The following FBLN5 variants were observed in gnomAD, a reference collection of about 807,000 sequenced individuals.
FBLN5 encodes the protein fibulin-5.
Under a neutral mutation model 61.6 loss-of-function variants are expected in FBLN5, and 24 were observed. The observed-to-expected ratio is 0.39, with a 90% CI of 0.28 to 0.55. The LOEUF is 0.55. FBLN5 is among the 20% of genes least tolerant of loss of function. FBLN5 has a pLI of 0.65. For missense variants in FBLN5, 470 were observed against 594.1 expected, an observed-to-expected ratio of 0.79 and a Z score of 2.17; for synonymous variants, 213 against 219.8, an observed-to-expected ratio of 0.97 and a Z score of 0.27.
At chr14:91,940,073 C>A in intron 3 of FBLN5, 1 of 411,094 alleles carries the variant, frequency 2.4e-6, no homozygotes, top group Admixed American at 3.1e-5. Context: ...AGGAATTGCC[C>A]TCCACTGACA....
At position 91,937,102 on chromosome 14, in the gene FBLN5, A is replaced by C; in HGVS notation, c.224T>G (p.Val75Gly). 2 of 1,614,074 alleles carry C rather than the reference A, an allele frequency of 1.2e-6. No individual in the cohort carries two copies. Among genetic ancestry groups the C allele is most frequent in the African/African-American group, 1.3e-5 (1 of 74,986 alleles). Residue 75 changes from valine (V) to glycine (G), a missense_variant, in exon 4 of 11, where the codon GTG (valine) becomes GGG (glycine). Coordinates refer to ENST00000342058, the MANE Select transcript of FBLN5 (RefSeq NM_006329.4). ...GGGGTTCGAGTAGGGCCCTCGATAC[A>C]CAGGGTTTGTCCGGGGAATGCATAA... ...GYLCIPRTNP[V>G]YRGPYSNPYS...
chr14:91,883,904 T>C (rs1264139133), intron 7 of FBLN5, among the ~76,000 whole-genome samples: 2 of 152,284 alleles, frequency 1.3e-5, no homozygotes, highest in African/African-American at 4.8e-5. Context: ...GAAGCAGACG[T>C]TCCAGAAAAG....
chr14:91,921,044 C>T (rs1039035869), intron 4 of FBLN5, among the ~76,000 whole-genome samples: 1 of 152,278 alleles, frequency 6.6e-6, no homozygotes, highest in African/African-American at 2.4e-5. Context: ...TCTATGCAAG[C>T]CAGTCACGAC....
intron 8 of FBLN5, 103 bp from the exon 9 acceptor site, chr14:91,881,521 A>T (rs922159399): frequency 6.4e-5 from 83 of 1,300,446 alleles, no homozygotes; most frequent in Non-Finnish European, 8.0e-5. Context: ...TGTACTATCC[A>T]ATATGGCAGC....
At chr14:91,925,886 C>A (rs1387008996) in intron 4 of FBLN5, among the ~76,000 whole-genome samples, 2 of 152,220 alleles carry the variant, frequency 1.3e-5, no homozygotes, top group Middle Eastern at 3.2e-3. Flanking sequence ...CAAGGAGACT[C>A]TTGGTCACCT....
At chr14:91,935,794 T>A (rs2056004464) in intron 4 of FBLN5, among the ~76,000 whole-genome samples, 1 of 152,234 alleles carries the variant, frequency 6.6e-6, no homozygotes, top group African/African-American at 2.4e-5. Flanking sequence ...AAAGTTGGCT[T>A]GACCGGACCC....
At chr14:91,911,637 C>G (rs1890944070) in intron 4 of FBLN5, among the ~76,000 whole-genome samples, 1 of 152,254 alleles carries the variant, frequency 6.6e-6, no homozygotes, top group Non-Finnish European at 1.5e-5. Context: ...TCTTTCTCAG[C>G]TCGTTTGAGA....
intron 7 of FBLN5, among the ~76,000 whole-genome samples, chr14:91,886,299 A>C (rs1277011117): frequency 6.6e-6 from 1 of 152,238 alleles, no homozygotes; most frequent in Non-Finnish European, 1.5e-5. Flanking sequence ...TTTACAAAAA[A>C]CAAGGCAAGA....
At chr14:91,932,351 G>A (rs1051765058) in intron 4 of FBLN5, among the ~76,000 whole-genome samples, 2 of 152,178 alleles carry the variant, frequency 1.3e-5, no homozygotes, top group Non-Finnish European at 2.9e-5. Flanking sequence ...AAAGGACAGG[G>A]TCTAGTCACC....
chr14:91,869,540 G>C lies in FBLN5; in HGVS notation c.*684C>G, dbSNP rs1235716093. ...CTAAAATGGAGAGGAGACTGGGTTTGGGAAGACAGAACATAGCATGTGTCT... is the reference window on the plus strand; with the variant it reads ...CTAAAATGGAGAGGAGACTGGGTTTCGGAAGACAGAACATAGCATGTGTCT... On this transcript the variant is annotated 3_prime_UTR_variant, in exon 11 of 11. Coordinates refer to ENST00000342058, the MANE Select transcript of FBLN5 (RefSeq NM_006329.4). The C allele has an allele frequency of 6.5e-6, 1 of 152,704 alleles. No homozygotes were observed. The highest frequency in any genetic ancestry group is 2.4e-5 in the African/African-American group (1 of 41,404). 9.5% of individuals were successfully genotyped at this position (152,704 alleles called of 1,614,324 possible). A position where few individuals can be genotyped will look rare whatever the true frequency, so the allele number is the denominator to read the frequency against.
intron 9 of FBLN5, 137 bp downstream of exon 9, chr14:91,881,153 ACG>A (rs1889438910): frequency 1.3e-6 from 1 of 783,950 alleles, no homozygotes; most frequent in Non-Finnish European, 2.2e-6. Flanking sequence ...ACACACACAC[ACG>A]CATGAGCACA....
chr14:91,906,835 C>T (rs1451587222), intron 4 of FBLN5, among the ~76,000 whole-genome samples: 1 of 152,184 alleles, frequency 6.6e-6, no homozygotes, highest in Admixed American at 6.5e-5. Context: ...GCTCAGGAGT[C>T]ATTTATGCTA....
At chr14:91,894,833 C>CCCCCCT in intron 5 of FBLN5, 117 bp downstream of exon 5, 8 of 552,272 alleles carry the variant, frequency 1.4e-5, no homozygotes, top group South Asian at 3.1e-5. Flanking sequence ...CCCTCCCGCC[C>CCCCCCT]TCCCTAGCAA....
At chr14:91,883,603 T>C (rs1889578632) in intron 7 of FBLN5, among the ~76,000 whole-genome samples, 1 of 128,328 alleles carries the variant, frequency 7.8e-6, no homozygotes. Flanking sequence ...AAGGGACATA[T>C]CCAAAAGGCC....
chr14:91,943,321 C>T lies in FBLN5; in HGVS notation c.18-360G>A, dbSNP rs922378527. 2.6e-5 allele frequency among the ~76,000 whole-genome samples: 4 copies of T among 151,954 alleles called. No homozygotes were observed. The highest frequency in any genetic ancestry group is 5.9e-5 in the Non-Finnish European group (4 of 67,990). The stretch of plus-strand genomic sequence containing the variant: ...CCCAGGAGTTTGAGACAAGCCTGGG[C>T]AACATGGTGAAACCCCATTTCTACA... On this transcript the variant is annotated intron_variant, in intron 1 of 10. Coordinates refer to ENST00000342058, the MANE Select transcript of FBLN5 (RefSeq NM_006329.4). This position sits in a 1 kb window ranked among gnomAD's most constrained non-coding sequence, Gnocchi z 4.0.
chr14:91,870,711 T>C (rs1888883073), intron 10 of FBLN5, among the ~76,000 whole-genome samples: 1 of 152,262 alleles, frequency 6.6e-6, no homozygotes, highest in Admixed American at 6.5e-5. Context: ...CCATACTGTC[T>C]ACCTGATCCG....
chr14:91,881,474 G>C, intron 8 of FBLN5, 56 bp from the exon 9 acceptor site: 2 of 1,605,002 alleles, frequency 1.2e-6, no homozygotes, highest in Non-Finnish European at 1.7e-6. Flanking sequence ...CAGGCCAGAC[G>C]CGTGGGGGTG....
At chr14:91,891,937 A>G (rs963021555) in intron 5 of FBLN5, among the ~76,000 whole-genome samples, 2 of 152,222 alleles carry the variant, frequency 1.3e-5, no homozygotes, top group African/African-American at 4.8e-5. Context: ...CTGGAGACCC[A>G]TGAATCCAGT....
intron 4 of FBLN5, among the ~76,000 whole-genome samples, chr14:91,923,104 G>A (rs927719606): frequency 6.6e-6 from 1 of 152,138 alleles, no homozygotes; most frequent in Non-Finnish European, 1.5e-5. Context: ...TTTGCATCCT[G>A]AGTGGTCAAG....
Sources: allele counts gnomAD v4.1 joint callset (sites outside exome capture counted in the v4.1 genomes callset), GRCh38; gene constraint gnomAD v4.1.1; non-coding constraint Gnocchi (gnomAD v3.1); transcripts MANE v1.5; gene names NCBI Gene and HGNC (gene_info 2026-07-23, HGNC 2026-07-21).